The following PLD1 variants were observed in gnomAD, a reference collection of about 807,000 sequenced individuals.
The protein encoded by PLD1 is choline phosphatase 1.
PLD1 carries 112 observed loss-of-function variants against 137.1 expected under a neutral mutation model. That is an observed-to-expected ratio of 0.82 (90% CI 0.70 to 0.96). PLD1 has a LOEUF of 0.96. Ranked by LOEUF, PLD1 falls within the 40% of genes least tolerant of loss-of-function variation. The pLI is 0.00. For missense variants in PLD1, 1,321 were observed against 1,342.0 expected (o/e 0.98, Z 0.24); for synonymous variants, 431 against 454.7 (o/e 0.95, Z 0.66).
chr3:171,733,846 T>A (rs370576324), intron 5 of PLD1, among the ~76,000 whole-genome samples: 8 of 152,288 alleles, frequency 5.3e-5, no homozygotes, highest in Admixed American at 4.6e-4. Context: ...TACCAAAAAC[T>A]TTCATTTTTT....
chr3:171,786,594 T>C (rs1723021062), intron 1 of PLD1, among the ~76,000 whole-genome samples: 1 of 152,230 alleles, frequency 6.6e-6, no homozygotes, highest in African/African-American at 2.4e-5. Context: ...CATAATTGAA[T>C]ACTGTTTGAG....
chr3:171,785,690 G>T (rs1722986873), intron 1 of PLD1, among the ~76,000 whole-genome samples: 1 of 152,164 alleles, frequency 6.6e-6, no homozygotes, highest in Non-Finnish European at 1.5e-5. Flanking sequence ...GCCCGCCTTG[G>T]CCTCCCAAAG....
At chr3:171,782,052 CAG>C (rs1473929583) in intron 1 of PLD1, among the ~76,000 whole-genome samples, 1 of 152,174 alleles carries the variant, frequency 6.6e-6, no homozygotes, top group Non-Finnish European at 1.5e-5. Flanking sequence ...TGGATTCACT[CAG>C]AAAGGAATGA....
At chr3:171,724,434 C>T (rs1718357154) in intron 8 of PLD1, among the ~76,000 whole-genome samples, 1 of 152,124 alleles carries the variant, frequency 6.6e-6, no homozygotes, top group African/African-American at 2.4e-5. Context: ...ACTTATTGGC[C>T]ATTTGTACGT....
intron 1 of PLD1, among the ~76,000 whole-genome samples, chr3:171,785,440 ATTT>A (rs11325787): frequency 0.011 from 1,570 of 140,456 alleles, 28 homozygotes; most frequent in African/African-American, 0.038. Flanking sequence ...TCCAGTGTCT[ATTT>A]TTTTTTTTTT....
At chr3:171,725,972 C>A (rs1718474132) in intron 7 of PLD1, 46 bp downstream of exon 7, 1 of 1,306,764 alleles carries the variant, frequency 7.7e-7, no homozygotes, top group Non-Finnish European at 1.1e-6. Context: ...AGTGTGAATG[C>A]AAATCAATTT....
chr3:171,750,388 T>C (rs188447588), intron 1 of PLD1, among the ~76,000 whole-genome samples: 11 of 152,244 alleles, frequency 7.2e-5, no homozygotes, highest in Admixed American at 7.2e-4. Context: ...GCCTTAGTAT[T>C]GTATGTGATA....
At chr3:171,782,632 T>A (rs6792740) in intron 1 of PLD1, among the ~76,000 whole-genome samples, 122,024 of 151,438 alleles carry the variant, frequency 0.81, 49,358 homozygotes, top group Middle Eastern at 0.93. Flanking sequence ...GTGTTCACCT[T>A]AACATTCTTT....
At chr3:171,729,153 C>G (rs9879513) in intron 6 of PLD1, among the ~76,000 whole-genome samples, 1 of 151,968 alleles carries the variant, frequency 6.6e-6, no homozygotes, top group African/African-American at 2.4e-5. Flanking sequence ...TTTAGCCTAA[C>G]GGCATTTCGC....
chr3:171,739,925 A>G (rs1247510448), intron 1 of PLD1, among the ~76,000 whole-genome samples: 1 of 152,176 alleles, frequency 6.6e-6, no homozygotes, highest in African/African-American at 2.4e-5. Context: ...AACAGTTAAT[A>G]TAAATAAGTA....
rs1332996156 is a variant in PLD1 at position 171,779,683 on chromosome 3, G to GGATATGTAAGTCTGAGATTCA, written c.-32+30715_-32+30716insTGAATCTCAGACTTACATATC. On this transcript the variant is annotated intron_variant, in intron 1 of 26. Coordinates refer to ENST00000351298, the MANE Select transcript of PLD1 (RefSeq NM_002662.5). ...TATGTAAGTCTGAGATTCAGGCCTG[G>GGATATGTAAGTCTGAGATTCA]GGTTTGGATACATAAGTCTGAGATT... Among the ~76,000 whole-genome samples the GGATATGTAAGTCTGAGATTCA allele has an allele frequency of 9.9e-5, 15 of 152,128 alleles. No homozygotes were observed. In the East Asian group the frequency reaches 2.9e-3, roughly 29 times the overall value.
chr3:171,796,376 G>A (rs1723438663), intron 1 of PLD1, among the ~76,000 whole-genome samples: 1 of 152,202 alleles, frequency 6.6e-6, no homozygotes, highest in Non-Finnish European at 1.5e-5. Context: ...TATAAAATGG[G>A]AGGAAGAGTA....
intron 25 of PLD1, chr3:171,611,402 G>A (rs913917520): frequency 1.2e-5 from 4 of 339,006 alleles, no homozygotes; most frequent in African/African-American, 8.6e-5. Context: ...GATCTAGAAG[G>A]TTCTAGAGGG....
intron 12 of PLD1, among the ~76,000 whole-genome samples, chr3:171,698,976 C>CAAA (rs559343815): frequency 2.6e-5 from 2 of 77,234 alleles, no homozygotes; most frequent in Non-Finnish European, 5.1e-5. Flanking sequence ...AACCCCATCT[C>CAAA]AAAAAAAAAA....
intron 1 of PLD1, among the ~76,000 whole-genome samples, chr3:171,784,695 C>T (rs1163788397): frequency 2.0e-5 from 3 of 152,170 alleles, no homozygotes; most frequent in Non-Finnish European, 2.9e-5. Context: ...CTTCAAGCTC[C>T]AGCTCAAACA....
At chr3:171,746,872 C>T (rs1199002423) in intron 1 of PLD1, among the ~76,000 whole-genome samples, 1 of 152,176 alleles carries the variant, frequency 6.6e-6, no homozygotes, top group Non-Finnish European at 1.5e-5. Flanking sequence ...GCTGGGGCCC[C>T]CTTCAATACG....
intron 1 of PLD1, among the ~76,000 whole-genome samples, chr3:171,773,526 C>G (rs557012560): frequency 6.6e-6 from 1 of 151,942 alleles, no homozygotes; most frequent in Non-Finnish European, 1.5e-5. Context: ...CGCTTGAACC[C>G]GGGAGGCGGA....
intron 1 of PLD1, among the ~76,000 whole-genome samples, chr3:171,767,909 C>T (rs879443995): frequency 6.6e-5 from 10 of 152,002 alleles, no homozygotes; most frequent in Non-Finnish European, 1.5e-4. Context: ...TGCCACTGCA[C>T]TCCAGCCTGG....
intron 16 of PLD1, among the ~76,000 whole-genome samples, chr3:171,681,529 A>G (rs1378196112): frequency 6.6e-6 from 1 of 152,184 alleles, no homozygotes; most frequent in Non-Finnish European, 1.5e-5. Flanking sequence ...GTCTCTACCT[A>G]CCGAATTTCT....
Sources: allele counts gnomAD v4.1 joint callset (sites outside exome capture counted in the v4.1 genomes callset), GRCh38; gene constraint gnomAD v4.1.1; transcripts MANE v1.5; gene names NCBI Gene and HGNC (gene_info 2026-07-23, HGNC 2026-07-21).